The following CELF4 variants were observed in gnomAD, a reference collection of about 807,000 sequenced individuals.
CELF4 encodes CUG-BP- and ETR-3-like factor 4.
Under a neutral mutation model 59.9 loss-of-function variants are expected in CELF4, and 18 were observed. The ratio of observed to expected loss-of-function variants is 0.30; its 90% CI spans 0.21 to 0.45. CELF4 has a LOEUF of 0.45. Ranked by LOEUF, CELF4 falls within the 20% of genes least tolerant of loss-of-function variation. The pLI, the probability that CELF4 is intolerant of heterozygous loss-of-function variation, is 1.00. For missense variants in CELF4, 456 were observed against 689.0 expected (o/e 0.66, Z 3.79); for synonymous variants, 261 against 267.1 (o/e 0.98, Z 0.22).
At chr18:37,481,662 G>A (rs1229071726) in intron 2 of CELF4, among the ~76,000 whole-genome samples, 1 of 152,186 alleles carries the variant, frequency 6.6e-6, no homozygotes, top group Non-Finnish European at 1.5e-5. Flanking sequence ...CCTGTTGTGT[G>A]TGCCTCGACT....
At chr18:37,421,107 A>G (rs1008945396) in intron 2 of CELF4, among the ~76,000 whole-genome samples, 2 of 151,858 alleles carry the variant, frequency 1.3e-5, no homozygotes, top group Admixed American at 6.6e-5. Flanking sequence ...CCCCTCCCCA[A>G]CATCCCTCTC....
At chr18:37,520,359 T>C (rs2099955920) in intron 1 of CELF4, among the ~76,000 whole-genome samples, 1 of 152,104 alleles carries the variant, frequency 6.6e-6, no homozygotes, top group Non-Finnish European at 1.5e-5. Flanking sequence ...GTGAGTTAAA[T>C]AGGGCATGTC....
rs138205435 is a variant in CELF4, at chr18:37,415,877, T to C, written c.369+69648A>G. Among the ~76,000 whole-genome samples, 721 of 152,318 alleles carry C rather than the reference T, an allele frequency of 4.7e-3. 6 individuals carry two copies. The highest frequency in any genetic ancestry group is 0.017 in the African/African-American group (693 of 41,560). On this transcript the variant is annotated intron_variant, in intron 2 of 12. Transcript: ENST00000420428. ...TCATTATCTTATTCACCACGACTAC[T>C]GCAATATTAGTGATTTGTTACTGAA...
At chr18:37,297,169 T>C (rs2095699804) in intron 3 of CELF4, among the ~76,000 whole-genome samples, 1 of 152,064 alleles carries the variant, frequency 6.6e-6, no homozygotes, top group African/African-American at 2.4e-5. Context: ...TTTCTTTCCC[T>C]CCCTTTCCTC....
chr18:37,312,940 GC>G (rs2096729161), intron 3 of CELF4, among the ~76,000 whole-genome samples: 1 of 152,178 alleles, frequency 6.6e-6, no homozygotes, highest in South Asian at 2.1e-4. Flanking sequence ...AGGATATGTA[GC>G]CCCCAAAACA....
chr18:37,446,964 T>C, intron 2 of CELF4, among the ~76,000 whole-genome samples: 1 of 152,204 alleles, frequency 6.6e-6, no homozygotes, highest in East Asian at 1.9e-4. Flanking sequence ...ATAGGAGTGA[T>C]TTCACTCATT....
At chr18:37,391,092 G>C (rs2099156468) in intron 2 of CELF4, among the ~76,000 whole-genome samples, 1 of 152,132 alleles carries the variant, frequency 6.6e-6, no homozygotes, top group African/African-American at 2.4e-5. Flanking sequence ...CCAGACAGGA[G>C]ACGTAGGGAG....
intron 2 of CELF4, among the ~76,000 whole-genome samples, chr18:37,434,148 A>G (rs988017629): frequency 7.9e-5 from 12 of 152,226 alleles, no homozygotes; most frequent in African/African-American, 2.4e-4. Flanking sequence ...AACAGAAACC[A>G]TAAAAAGTAA....
In CELF4 at chr18:37,408,502, CGCG is replaced by C. The variant is rs1186011144; in HGVS notation, c.369+77020_369+77022del. ...CCCTTTGGTTGGTGCCGGGGGGGGG[CGCG>C]GTGCAGGAGGATGTGAGAGGAGGAA... On this transcript the variant is annotated intron_variant, in intron 2 of 12. Coordinates refer to ENST00000420428, the MANE Select transcript of CELF4 (RefSeq NM_020180.4). Among the ~76,000 whole-genome samples, 152 of 55,804 alleles carry C rather than the reference CGCG, an allele frequency of 2.7e-3. 2 individuals carry two copies. Among genetic ancestry groups the C allele is most frequent in the African/African-American group, 8.6e-3 (144 of 16,784 alleles). 36.6% of individuals were successfully genotyped at this position (55,804 alleles called of 152,430 possible). A position where few individuals can be genotyped will look rare whatever the true frequency, so the allele number is the denominator to read the frequency against.
chr18:37,478,679 G>A (rs2099857480), intron 2 of CELF4, among the ~76,000 whole-genome samples: 1 of 152,222 alleles, frequency 6.6e-6, no homozygotes, highest in Non-Finnish European at 1.5e-5. Context: ...GAACACAGTG[G>A]GACAGGGGGC....
chr18:37,549,477 G>T (rs2099982468), intron 1 of CELF4, among the ~76,000 whole-genome samples: 3 of 152,196 alleles, frequency 2.0e-5, no homozygotes, highest in Admixed American at 6.5e-5. Context: ...GTACACCTTT[G>T]CCCCTGATCC....
intron 1 of CELF4, among the ~76,000 whole-genome samples, chr18:37,557,222 T>C (rs1256781768): frequency 6.6e-6 from 1 of 152,240 alleles, no homozygotes; most frequent in Non-Finnish European, 1.5e-5. Context: ...CTTGTGCACG[T>C]GCATATGTGC....
chr18:37,333,373 C>T (rs966249040), intron 2 of CELF4, among the ~76,000 whole-genome samples: 2 of 151,606 alleles, frequency 1.3e-5, no homozygotes, highest in Non-Finnish European at 2.9e-5. Flanking sequence ...CCTCCTCTCC[C>T]TTCTTCCCCT....
chr18:37,323,608 G>C (rs1374000100), intron 2 of CELF4, among the ~76,000 whole-genome samples: 2 of 152,062 alleles, frequency 1.3e-5, no homozygotes, highest in Admixed American at 6.5e-5. Flanking sequence ...TTCCTAGGCT[G>C]CCATGTCCTC....
At chr18:37,334,273 G>C (rs753971606) in intron 2 of CELF4, among the ~76,000 whole-genome samples, 2 of 152,196 alleles carry the variant, frequency 1.3e-5, no homozygotes, top group Non-Finnish European at 2.9e-5. Flanking sequence ...CCATCTTCCA[G>C]AGGCTGCCCC....
At chr18:37,330,921 G>A (rs2097520669) in intron 2 of CELF4, among the ~76,000 whole-genome samples, 1 of 152,208 alleles carries the variant, frequency 6.6e-6, no homozygotes, top group South Asian at 2.1e-4. Context: ...TAGAGAGACA[G>A]CCAGTGAGCA....
intron 1 of CELF4, among the ~76,000 whole-genome samples, chr18:37,563,691 A>G (rs1023909880): frequency 6.6e-6 from 1 of 152,102 alleles, no homozygotes; most frequent in African/African-American, 2.4e-5. Flanking sequence ...ATATTGGATA[A>G]AGGTTGCCTT....
At chr18:37,407,568 T>C (rs1361934484) in intron 2 of CELF4, among the ~76,000 whole-genome samples, 2 of 144,264 alleles carry the variant, frequency 1.4e-5, no homozygotes, top group Non-Finnish European at 3.1e-5. Context: ...TGTATATATA[T>C]GTGTGTGTAT....
chr18:37,490,161 A>T (rs1005406380), intron 1 of CELF4, among the ~76,000 whole-genome samples: 1 of 152,226 alleles, frequency 6.6e-6, no homozygotes, highest in Admixed American at 6.5e-5. Flanking sequence ...AATAGACGCC[A>T]TGTATATACA....
Sources: gnomAD v4.1 joint callset for allele counts (sites outside exome capture counted in the v4.1 genomes callset) on GRCh38, gnomAD v4.1.1 for gene constraint, MANE v1.5 for transcripts, NCBI Gene and HGNC (gene_info 2026-07-23, HGNC 2026-07-21) for gene names.